Variants in FGF13 observed in about 807,000 individuals in gnomAD.
FGF13 encodes fibroblast growth factor homologous factor 2.
In FGF13, 2 loss-of-function variants were observed where a neutral mutation model predicts 19.5. The observed-to-expected ratio is 0.10, with a 90% CI of 0.04 to 0.32. The LOEUF (loss-of-function observed/expected upper bound fraction) is 0.32. Among genes scored for constraint, FGF13 ranks in the 10% least tolerant of loss-of-function variants. The pLI is 1.00. For synonymous variants in FGF13, 72 were observed against 76.9 expected (o/e 0.94, Z 0.33); for missense variants, 113 against 192.7 (o/e 0.59, Z 2.45).
At chrX:139,176,875 A>G (rs57478248) in intron 1 of FGF13, among the ~76,000 whole-genome samples, 6,492 of 111,527 alleles carry the variant, frequency 0.058, 385 homozygotes, top group African/African-American at 0.19. Context: ...GCTTTGAAGA[A>G]TATATCTTCT....
intron 1 of FGF13, among the ~76,000 whole-genome samples, chrX:139,183,154 G>C (rs971798264): frequency 1.2e-4 from 13 of 112,098 alleles, no homozygotes; most frequent in Non-Finnish European, 2.3e-4. Context: ...CTGTCTACTT[G>C]CACACCATTG....
At chrX:138,957,063 G>A (rs904035807) in intron 1 of FGF13, among the ~76,000 whole-genome samples, 3 of 111,157 alleles carry the variant, frequency 2.7e-5, no homozygotes, top group African/African-American at 9.8e-5. Context: ...ATATGCCTAC[G>A]GGGAAAGAAG....
intron 1 of FGF13, among the ~76,000 whole-genome samples, chrX:139,048,446 T>C (rs1291338240): frequency 1.8e-5 from 2 of 111,198 alleles, no homozygotes; most frequent in Non-Finnish European, 3.8e-5. Context: ...CCTGTGTTCT[T>C]CCATAGAAAC....
chrX:138,879,430 C>G (rs759007092), intron 1 of FGF13, among the ~76,000 whole-genome samples: 1 of 111,834 alleles, frequency 8.9e-6, no homozygotes, highest in South Asian at 3.8e-4. Flanking sequence ...GAACCCACTG[C>G]CAAATCCAAA....
At chrX:138,844,538 G>A in intron 3 of FGF13, among the ~76,000 whole-genome samples, 1 of 111,772 alleles carries the variant, frequency 8.9e-6, no homozygotes, top group Non-Finnish European at 1.9e-5. Context: ...AAAGGAACTG[G>A]ATTACAAAGC....
intron 3 of FGF13, among the ~76,000 whole-genome samples, chrX:138,823,839 TC>T (rs766589775): frequency 1.3e-4 from 15 of 112,015 alleles, no homozygotes; most frequent in African/African-American, 4.9e-4. Context: ...TATTATTATA[TC>T]CATTTAAGAG....
chrX:138,811,269 A>C (rs2090922113), intron 3 of FGF13, among the ~76,000 whole-genome samples: 1 of 111,691 alleles, frequency 9.0e-6, no homozygotes, highest in South Asian at 3.8e-4. Context: ...GCAGCCATAA[A>C]AAAGGATGAG....
intron 1 of FGF13, among the ~76,000 whole-genome samples, chrX:139,017,891 A>G (rs1313391319): frequency 1.8e-5 from 2 of 111,631 alleles, no homozygotes; most frequent in South Asian, 7.5e-4. Context: ...TTTTGTGGAG[A>G]TGGGAAGATC....
intron 2 of FGF13, chrX:138,857,772 G>A: frequency 1.3e-6 from 1 of 744,825 alleles, no homozygotes; most frequent in Non-Finnish European, 1.8e-6. Context: ...GAAGACTAAA[G>A]AAACAACAGC....
chrX:139,035,611 G>A (rs774109834), intron 1 of FGF13, among the ~76,000 whole-genome samples: 1 of 111,309 alleles, frequency 9.0e-6, no homozygotes, highest in South Asian at 3.8e-4. Flanking sequence ...AAGTGTATTT[G>A]GGACATTCTG....
At chrX:138,724,551 A>G (rs2090171182) in intron 1 of FGF13, among the ~76,000 whole-genome samples, 1 of 111,928 alleles carries the variant, frequency 8.9e-6, no homozygotes, top group African/African-American at 3.2e-5. Flanking sequence ...GGCTGGGGTT[A>G]GTCAAAGGTA....
At chrX:138,707,216 C>T (rs928386802) in intron 2 of FGF13, among the ~76,000 whole-genome samples, 11 of 110,990 alleles carry the variant, frequency 9.9e-5, no homozygotes, top group African/African-American at 3.6e-4. Context: ...AATGTGATCT[C>T]GATGAATTTG....
intron 1 of FGF13, among the ~76,000 whole-genome samples, chrX:139,119,834 T>C (rs1446736614): frequency 8.9e-6 from 1 of 112,861 alleles, no homozygotes; most frequent in Non-Finnish European, 1.9e-5. Flanking sequence ...ATTATCATCA[T>C]CATCCCCATT....
chrX:139,197,405 G>A (rs1196191461), intron 1 of FGF13, among the ~76,000 whole-genome samples: 1 of 112,546 alleles, frequency 8.9e-6, no homozygotes, highest in Non-Finnish European at 1.9e-5. Context: ...CTATTATAAA[G>A]ACAGCAATGT....
chrX:139,053,579 G>C (rs2092310193), intron 1 of FGF13, among the ~76,000 whole-genome samples: 1 of 110,844 alleles, frequency 9.0e-6, no homozygotes, highest in Admixed American at 9.6e-5. Flanking sequence ...CATGTCTTTA[G>C]CCCACTTTTT....
At position 138,617,333 on chromosome X, in the gene FGF13, A is replaced by T. The variant is rs1381744825; in HGVS notation, c.*15517T>A. ...TGTAACTTATTTTGAAATGCAAAAAAATAATTATTTTATAGATAAGAGCAT... is the reference window on the plus strand; with the variant it reads ...TGTAACTTATTTTGAAATGCAAAAATATAATTATTTTATAGATAAGAGCAT... On this transcript the variant is annotated 3_prime_UTR_variant, in exon 5 of 5. Coordinates refer to ENST00000315930, the MANE Select transcript of FGF13 (RefSeq NM_004114.5). 8.9e-6 allele frequency: 1 copy of T among 111,883 alleles called. No homozygotes were observed. The highest frequency in any genetic ancestry group is 2.8e-4 in the East Asian group (1 of 3,577). 9.2% of individuals were successfully genotyped at this position (111,883 alleles called of 1,213,427 possible).
At chrX:139,139,853 A>C (rs2083829395) in intron 1 of FGF13, among the ~76,000 whole-genome samples, 2 of 111,885 alleles carry the variant, frequency 1.8e-5, no homozygotes, top group African/African-American at 6.5e-5. Context: ...CAGAGGCAAG[A>C]GAGTATGGTG....
chrX:138,927,315 T>A (rs2091679181), intron 1 of FGF13, among the ~76,000 whole-genome samples: 3 of 111,874 alleles, frequency 2.7e-5, no homozygotes, highest in Non-Finnish European at 5.6e-5. Context: ...CATAGACCCA[T>A]CCATAGACCC....
intron 1 of FGF13, among the ~76,000 whole-genome samples, chrX:138,955,313 A>G (rs1320832955): frequency 8.9e-6 from 1 of 112,273 alleles, no homozygotes. Context: ...ATTCCCTGCC[A>G]TGTTTCCTGT....
Sources: allele counts gnomAD v4.1 joint callset (sites outside exome capture counted in the v4.1 genomes callset), GRCh38; gene constraint gnomAD v4.1.1; transcripts MANE v1.5; gene names NCBI Gene and HGNC (gene_info 2026-07-23, HGNC 2026-07-21).